Variants in PRKAG3 observed in about 807,000 individuals in gnomAD.
PRKAG3 encodes the protein protein kinase AMP-activated non-catalytic subunit gamma 3.
Under a neutral mutation model 56.5 loss-of-function variants are expected in PRKAG3, and 39 were observed. That is an observed-to-expected ratio of 0.69 (90% CI 0.53 to 0.90). PRKAG3 has a LOEUF of 0.90. Ranked by LOEUF, PRKAG3 falls within the 40% of genes least tolerant of loss-of-function variation. The pLI is 0.00. For missense variants in PRKAG3, 628 were observed against 627.5 expected (o/e 1.00, Z -0.01); for synonymous variants, 243 against 250.1 (o/e 0.97, Z 0.27).
At chr2:218,824,338 G>A in exon 12 of PRKAG3, 1 of 1,614,120 alleles carries the variant, frequency 6.2e-7, no homozygotes, top group African/African-American at 1.3e-5. Flanking sequence ...CTCATGTCCA[G>A]GTGGTTGTAG....
At position 218,827,204 on chromosome 2, in the gene PRKAG3, C is replaced by T; in HGVS notation, c.1002+43G>A. The T allele has an allele frequency of 6.2e-7, 1 of 1,613,948 alleles. No homozygotes were observed. Among genetic ancestry groups the T allele is most frequent in the Non-Finnish European group, 8.5e-7 (1 of 1,179,936 alleles). On this transcript the variant is annotated intron_variant, in intron 9 of 12. Transcript: ENST00000529249. This position sits in a 1 kb window ranked among gnomAD's most constrained non-coding sequence, Gnocchi z 5.3. ...AAGACTCCTCAGGCCCTCTGATCAC[C>T]TGCCCAGGTCTCCCCCTTCCTCCCA...
intron 10 of PRKAG3, among the ~76,000 whole-genome samples, chr2:218,825,769 T>C (rs2105986436): frequency 6.6e-6 from 1 of 151,588 alleles, no homozygotes; most frequent in African/African-American, 2.4e-5. Context: ...TGCACTTTTT[T>C]TTTTTTTTTT....
rs1575211920 is a variant in PRKAG3 at position 218,827,698 on chromosome 2, T to C, written c.821-69A>G. The stretch of plus-strand genomic sequence containing the variant: ...CCTCACCTTGCAGTCCCAGGCAGCT[T>C]CCCTTCCGTCAGGCACCCGAGGCTC... On this transcript the variant is annotated intron_variant, in intron 7 of 12. Transcript: ENST00000529249. This position sits in a 1 kb window ranked among gnomAD's most constrained non-coding sequence, Gnocchi z 5.3. 2.5e-5 allele frequency: 39 copies of C among 1,583,792 alleles called. No individual in the cohort carries two copies. In the East Asian group the frequency reaches 8.5e-4, roughly 35 times the overall value.
In PRKAG3 at chr2:218,824,434, C is replaced by T; in HGVS notation, c.1207-66G>A. 3 of 1,612,558 alleles carry T rather than the reference C, an allele frequency of 1.9e-6. No individual in the cohort carries two copies. In the Admixed American group the frequency reaches 5.0e-5, roughly 27 times the overall value. On this transcript the variant is annotated intron_variant, in intron 11 of 12. Coordinates refer to ENST00000529249, the Ensembl canonical transcript of PRKAG3. ...GCCTGGGCTCCTACCCTACAGATGT[C>T]AACCCCTGCATACTTGTCAAGGTCC... is the stretch of plus-strand genomic sequence containing the variant.
At chr2:218,829,032 C>T (rs1485044031) in intron 4 of PRKAG3, among the ~76,000 whole-genome samples, 1 of 152,098 alleles carries the variant, frequency 6.6e-6, no homozygotes, top group Admixed American at 6.5e-5. Context: ...ATTTTGTGCC[C>T]CGTCCTAAGC....
chr2:218,829,963 G>A lies in PRKAG3; in HGVS notation c.633+15C>T. On this transcript the variant is annotated intron_variant, in intron 4 of 12. Coordinates refer to ENST00000529249, the Ensembl canonical transcript of PRKAG3. ...ATGGAGAGTGAGTACAGGTTGGGCA[G>A]AGCCGTGGCCTCACCTCCAGCATGG... 1 of 1,610,830 alleles carries A rather than the reference G, an allele frequency of 6.2e-7. No homozygotes were observed. The highest frequency in any genetic ancestry group is 8.5e-7 in the Non-Finnish European group (1 of 1,179,936).
In PRKAG3 at chr2:218,829,994, A is replaced by C. The variant is rs747975121; in HGVS notation, c.617T>G (p.Phe206Cys). Residue 206 changes from phenylalanine to cysteine, a missense_variant, in exon 4 of 13, where the codon TTC (phenylalanine) becomes TGC (cysteine). Phe to Cys is a radical substitution (Grantham distance 205). Transcript: ENST00000529249. ...TGGCCTCACCTCCAGCATGGTGTCG[A>C]AGATGACTAGCTTGGAGCTAGTTGC... 3.1e-6 allele frequency: 5 copies of C among 1,613,666 alleles called. No homozygotes were observed. The Admixed American group carries it at 8.3e-5, about 27-fold the overall frequency.
chr2:218,827,678 C>T lies in PRKAG3; in HGVS notation c.821-49G>A. On this transcript the variant is annotated intron_variant, in intron 7 of 12. Transcript: ENST00000529249. This position sits in a 1 kb window ranked among gnomAD's most constrained non-coding sequence, Gnocchi z 5.3. Reference sequence around the variant, plus strand: ...CCAGGGGAGCCGGTCACCTGCCTCACCTTGCAGTCCCAGGCAGCTTCCCTT... The same window carrying T: ...CCAGGGGAGCCGGTCACCTGCCTCATCTTGCAGTCCCAGGCAGCTTCCCTT... 1 of 1,598,554 alleles carries T rather than the reference C, an allele frequency of 6.3e-7. No homozygotes were observed. Among genetic ancestry groups the T allele is most frequent in the Non-Finnish European group, 8.6e-7 (1 of 1,166,060 alleles).
chr2:218,831,256 G>T, intron 2 of PRKAG3, 80 bp downstream of exon 2: 1 of 1,103,178 alleles, frequency 9.1e-7, no homozygotes, highest in South Asian at 1.6e-5. Flanking sequence ...CAGGCTGGGA[G>T]GGAATTGGGG....
Position 218,830,399 on chromosome 2 carries a change from G to A in PRKAG3, c.230-18C>T. 1 of 1,601,602 alleles carries A rather than the reference G, an allele frequency of 6.2e-7. No homozygotes were observed. The highest frequency in any genetic ancestry group is 8.5e-7 in the Non-Finnish European group (1 of 1,172,098). On this transcript the variant is annotated intron_variant, in intron 3 of 12. Coordinates refer to ENST00000529249, the Ensembl canonical transcript of PRKAG3. ...CCGGGGACCTGTTTGGGGGAGGAGG[G>A]GAAGAGGACAGTAACTCCATCTTCC...
chr2:218,822,767 C>T (rs553950915), downstream of PRKAG3: 12 of 536,070 alleles, frequency 2.2e-5, no homozygotes, highest in East Asian at 1.5e-4. Flanking sequence ...AGGGCAGTGG[C>T]GACGTTGCTG....
In PRKAG3 at chr2:218,827,709, A is replaced by C; in HGVS notation, c.821-80T>G. ...AGTCCCAGGCAGCTTCCCTTCCGTC[A>C]GGCACCCGAGGCTCCTATTGTCCCT... On this transcript the variant is annotated intron_variant, in intron 7 of 12. Transcript: ENST00000529249. This position sits in a 1 kb window ranked among gnomAD's most constrained non-coding sequence, Gnocchi z 5.3. 6.4e-7 allele frequency: 1 copy of C among 1,566,580 alleles called. No individual in the cohort carries two copies.
intron 1 of PRKAG3, 115 bp downstream of exon 1, chr2:218,831,623 A>C (rs963877965): frequency 1.7e-5 from 24 of 1,397,654 alleles, no homozygotes; most frequent in African/African-American, 2.8e-5. Context: ...TCACGAGAAA[A>C]TCCAGACCAA....
In PRKAG3 at chr2:218,824,552, C is replaced by G. The variant is rs200507899; in HGVS notation, c.1193G>C (p.Arg398Pro). The G allele has an allele frequency of 2.5e-6, 4 of 1,613,144 alleles. No individual in the cohort carries two copies. In the South Asian group the frequency reaches 3.3e-5, roughly 13 times the overall value. The change falls in exon 11 of 13, where the codon CGC (arginine) becomes CCC (proline). Residue 398 changes from arginine (R) to proline (P), a missense_variant. By Grantham distance (103) the Arg-to-Pro change is moderately radical (BLOSUM62 -2). Coordinates refer to ENST00000529249, the Ensembl canonical transcript of PRKAG3. ...AGCGACACTTACAATCACATCAAAG[C>G]GGGAATAGAGGCCCACGACCTGACC...
intron 1 of PRKAG3, 104 bp downstream of exon 1, chr2:218,831,634 A>T: frequency 6.9e-7 from 1 of 1,448,238 alleles, no homozygotes; most frequent in Non-Finnish European, 9.5e-7. Flanking sequence ...TCCAGACCAA[A>T]CACACACCAG....
At chr2:218,826,893 G>C (rs1367131181) in intron 10 of PRKAG3, 35 bp downstream of exon 10, 11 of 1,612,912 alleles carry the variant, frequency 6.8e-6, no homozygotes, top group Non-Finnish European at 9.3e-6. Context: ...CCAGGCCCCA[G>C]CCCAGCCCGA....
Position 218,824,591 on chromosome 2 carries a change from TG to T in PRKAG3, c.1169-16del. On this transcript the variant is annotated splice_polypyrimidine_tract_variant and intron_variant, in intron 10 of 12. Coordinates refer to ENST00000529249, the Ensembl canonical transcript of PRKAG3. The stretch of plus-strand genomic sequence containing the variant: ...CACGACCTGACCTGCAGAGGGTGGT[TG>T]TGGGGGGTGGGGGGAGAAAGACAGG... The T allele has an allele frequency of 6.2e-7, 1 of 1,606,744 alleles. No individual in the cohort carries two copies. Among genetic ancestry groups the T allele is most frequent in the South Asian group, 1.1e-5 (1 of 90,948 alleles).
Position 218,827,059 on chromosome 2 carries a change from C to T in PRKAG3, c.1037G>A (p.Arg346His), listed in dbSNP as rs372540696. 21 of 1,613,636 alleles carry T rather than the reference C, an allele frequency of 1.3e-5. No individual in the cohort carries two copies. Among genetic ancestry groups the T allele is most frequent in the South Asian group, 5.5e-5 (5 of 91,072 alleles). The change falls in exon 10 of 13, where the codon CGC becomes CAC. Residue 346 changes from arginine to histidine, a missense_variant. Transcript: ENST00000529249. This position sits in a 1 kb window ranked among gnomAD's most constrained non-coding sequence, Gnocchi z 5.3. ...GCCGATGCCCAAATCTTGGATAGTG[C>T]GGTAGAGGAAGGAGGGCCGGGGCAG...
In PRKAG3 at chr2:218,828,038, A is replaced by G. The variant is rs1485216398; in HGVS notation, c.740T>C (p.Ile247Thr). 9 of 1,564,182 alleles carry G rather than the reference A, an allele frequency of 5.8e-6. No individual in the cohort carries two copies. The highest frequency in any genetic ancestry group is 4.3e-6 in the Non-Finnish European group (5 of 1,154,276). ...CCTGTAGTAGCGATGCAGCACCAGG[A>G]TGAAGTCAGTGATGGTCAGCATCCC... The change falls in exon 6 of 13, where the codon ATC becomes ACC. Residue 247 changes from isoleucine (I) to threonine (T), a missense_variant. Physicochemically the swap from Ile to Thr is moderately conservative, Grantham distance 89 (BLOSUM62 -1). Transcript: ENST00000529249.
Sources: gnomAD v4.1 joint callset for allele counts (sites outside exome capture counted in the v4.1 genomes callset) on GRCh38, gnomAD v4.1.1 for gene constraint, Gnocchi (gnomAD v3.1) non-coding constraint, MANE v1.5 for transcripts, NCBI Gene and HGNC (gene_info 2026-07-23, HGNC 2026-07-21) for gene names.